Variants in PRKCG observed in about 807,000 individuals in gnomAD.
PRKCG encodes protein kinase C gamma, also known as protein kinase C gamma type.
PRKCG carries 28 observed loss-of-function variants against 82.0 expected under a neutral mutation model. The ratio of observed to expected loss-of-function variants is 0.34; its 90% CI spans 0.25 to 0.47. The LOEUF is 0.47. Ranked by LOEUF, PRKCG falls within the 20% of genes least tolerant of loss-of-function variation. PRKCG has a pLI of 1.00. For missense variants in PRKCG, 640 were observed against 952.7 expected, an observed-to-expected ratio of 0.67 and a Z score of 4.32; for synonymous variants, 383 against 376.6, an observed-to-expected ratio of 1.02 and a Z score of -0.20.
intron 8 of PRKCG, 67 bp downstream of exon 8, chr19:53,893,142 C>T (rs1352107229): frequency 2.0e-6 from 3 of 1,479,712 alleles, no homozygotes; most frequent in African/African-American, 2.8e-5. Context: ...CTGGCCTTTC[C>T]TTCCACCCCT....
chr19:53,892,176 G>A lies in PRKCG; in HGVS notation c.687-333G>A, dbSNP rs2068681373. 6.6e-6 allele frequency among the ~76,000 whole-genome samples: 1 copy of A among 152,146 alleles called. No homozygotes were observed. The highest frequency in any genetic ancestry group is 1.5e-5 in the Non-Finnish European group (1 of 68,030). On this transcript the variant is annotated intron_variant, in intron 6 of 17. Transcript: ENST00000263431. This position sits in a 1 kb window ranked among gnomAD's most constrained non-coding sequence, Gnocchi z 5.9. ...AGATGGGGGATGGCAGGGAGACAGA[G>A]ATCAGTTGACAGGAAGACAGAGTGA...
rs2068613490 is a variant in PRKCG at position 53,884,065 on chromosome 19, C to T, written c.203-96C>T. 2.7e-5 allele frequency: 33 copies of T among 1,221,828 alleles called. No individual in the cohort carries two copies. In the South Asian group the frequency reaches 3.3e-4, roughly 12 times the overall value. 75.7% of individuals were successfully genotyped at this position (1,221,828 alleles called of 1,614,324 possible). The stretch of plus-strand genomic sequence containing the variant: ...CTCTCTTTCTGGTTTTCTCAGTGTC[C>T]GAGTTCCGCTCTCTCTTTCCAATTT... On this transcript the variant is annotated intron_variant, in intron 2 of 17. Transcript: ENST00000263431. The surrounding 1 kb of genome is among the most constrained non-coding windows in gnomAD (Gnocchi z 4.6).
intron 11 of PRKCG, among the ~76,000 whole-genome samples, chr19:53,899,180 T>TGGCCA (rs1329820898): frequency 3.3e-5 from 5 of 150,448 alleles, no homozygotes; most frequent in African/African-American, 1.2e-4. Context: ...TGGCATGGCC[T>TGGCCA]GGCCAGGTGA....
At position 53,900,133 on chromosome 19, in the gene PRKCG, G is replaced by A; in HGVS notation, c.1282-100G>A. ...AGGTGCTCTGAATTTCTGGTTGGGT[G>A]CATCTGGAACCTTCCACGTCTGTCC... On this transcript the variant is annotated intron_variant, in intron 11 of 17. Coordinates refer to ENST00000263431, the MANE Select transcript of PRKCG (RefSeq NM_002739.5). The surrounding 1 kb of genome is among the most constrained non-coding windows in gnomAD (Gnocchi z 4.2). 1.8e-6 allele frequency: 2 copies of A among 1,116,958 alleles called. No individual in the cohort carries two copies. Among genetic ancestry groups the A allele is most frequent in the Non-Finnish European group, 1.4e-6 (1 of 732,738 alleles). The allele number at this position is 1,116,958 out of a possible 1,614,324, so 69.2% of individuals were successfully genotyped here.
intron 14 of PRKCG, among the ~76,000 whole-genome samples, 183 bp from the exon 15 acceptor site, chr19:53,902,890 C>CAAAAAAAAAAAAAAA (rs56955659): frequency 7.0e-4 from 14 of 19,972 alleles, no homozygotes; most frequent in African/African-American, 1.9e-3. Context: ...GAGACCCTGT[C>CAAAAAAAAAAAAAAA]AAAAAAAAAA....
At chr19:53,895,414 G>T (rs929482274) in intron 9 of PRKCG, among the ~76,000 whole-genome samples, 8 of 151,092 alleles carry the variant, frequency 5.3e-5, no homozygotes, top group Admixed American at 5.3e-4. Context: ...CTGGATTCCG[G>T]GAAGTAGAGG....
At chr19:53,886,384 G>A (rs913765396) in intron 3 of PRKCG, among the ~76,000 whole-genome samples, 1 of 151,932 alleles carries the variant, frequency 6.6e-6, no homozygotes, top group African/African-American at 2.4e-5. Flanking sequence ...GATTACAGGC[G>A]TGAGCCACCG....
rs1335420745 is a variant in PRKCG, at chr19:53,884,030, G to A, written c.203-131G>A. 5 of 867,464 alleles carry A rather than the reference G, an allele frequency of 5.8e-6. No homozygotes were observed. The highest frequency in any genetic ancestry group is 7.5e-6 in the Non-Finnish European group (4 of 530,810). The allele number at this position is 867,464 out of a possible 1,614,324, so 53.7% of individuals were successfully genotyped here. Reference sequence around the variant, plus strand: ...ATTTTCTCTCTGTTGGACTCTCTGTGTTGAGATCCCTCTCTTTCTGGTTTT... The same window carrying A: ...ATTTTCTCTCTGTTGGACTCTCTGTATTGAGATCCCTCTCTTTCTGGTTTT... On this transcript the variant is annotated intron_variant, in intron 2 of 17. Coordinates refer to ENST00000263431, the MANE Select transcript of PRKCG (RefSeq NM_002739.5). The surrounding 1 kb of genome is among the most constrained non-coding windows in gnomAD (Gnocchi z 4.6).
Position 53,883,651 on chromosome 19 carries a change from G to A in PRKCG, c.202+457G>A, listed in dbSNP as rs2068610593. Reference sequence around the variant, plus strand: ...GCAGTTCTGGGGGGCGGGAGAGGGGGGCGAGTCCTTGAGCACCAGCTGCTA... The same window carrying A: ...GCAGTTCTGGGGGGCGGGAGAGGGGAGCGAGTCCTTGAGCACCAGCTGCTA... On this transcript the variant is annotated intron_variant, in intron 2 of 17. Coordinates refer to ENST00000263431, the MANE Select transcript of PRKCG (RefSeq NM_002739.5). This position sits in a 1 kb window ranked among gnomAD's most constrained non-coding sequence, Gnocchi z 5.4. Among the ~76,000 whole-genome samples the A allele has an allele frequency of 7.1e-6, 1 of 141,136 alleles. No individual in the cohort carries two copies. The highest frequency in any genetic ancestry group is 1.6e-5 in the Non-Finnish European group (1 of 64,480). 92.6% of individuals were successfully genotyped at this position (141,136 alleles called of 152,430 possible).
intron 10 of PRKCG, 81 bp downstream of exon 10, chr19:53,898,192 G>C: frequency 1.9e-6 from 3 of 1,557,668 alleles, no homozygotes; most frequent in Non-Finnish European, 2.6e-6. Context: ...GGAAGTGGGG[G>C]TGGGAAGAGA....
rs1401300094 is a variant in PRKCG at position 53,906,801 on chromosome 19, A to C, written c.2000A>C (p.Gln667Pro). ...CGCCTAGTCCTGGCCAGCATCGACC[A>C]GGCCGATTTCCAGGGCTTCACCTAC... ...PDRLVLASID[Q>P]ADFQGFTYVN... Residue 667 changes from glutamine (Q) to proline (P), a missense_variant, in exon 18 of 18, where the codon CAG becomes CCG. This residue lies in a region of PRKCG where 198 missense variants were observed against 273.4 expected (regional missense o/e 0.72). Transcript: ENST00000263431. 1 of 1,613,742 alleles carries C rather than the reference A, an allele frequency of 6.2e-7. No individual in the cohort carries two copies.
rs367543220 is a variant in PRKCG at position 53,906,749 on chromosome 19, G to T, written c.1948G>T (p.Ala650Ser). ...GENFDKFFTR[A>S]APALTPPDRL... The stretch of plus-strand genomic sequence containing the variant: ...GAACTTTGACAAGTTCTTCACGCGG[G>T]CGGCGCCAGCGCTGACCCCTCCAGA... Residue 650 changes from alanine (A) to serine (S), a missense_variant, in exon 18 of 18, where the codon GCG becomes TCG. Coordinates refer to ENST00000263431, the MANE Select transcript of PRKCG (RefSeq NM_002739.5). 2 of 1,613,346 alleles carry T rather than the reference G, an allele frequency of 1.2e-6. No individual in the cohort carries two copies. The highest frequency in any genetic ancestry group is 1.7e-5 in the Admixed American group (1 of 60,018).
In PRKCG at chr19:53,882,320, C is replaced by T; in HGVS notation, c.-175C>T. ...CTCCCCCTGGCGGAGCCGGCGCGCC[C>T]GGGGTGCCGCTCCCTGCCTGGCGCG... On this transcript the variant is annotated 5_prime_UTR_variant, in exon 1 of 18. Transcript: ENST00000263431. This position sits in a 1 kb window ranked among gnomAD's most constrained non-coding sequence, Gnocchi z 6.1. The T allele has an allele frequency of 1.1e-6, 1 of 944,546 alleles. No individual in the cohort carries two copies. The highest frequency in any genetic ancestry group is 1.6e-6 in the Non-Finnish European group (1 of 634,598). The allele number at this position is 944,546 out of a possible 1,614,324, so 58.5% of individuals were successfully genotyped here.
Position 53,884,935 on chromosome 19 carries a change from C to T in PRKCG, c.285+692C>T, listed in dbSNP as rs1051307800. Among the ~76,000 whole-genome samples, 6 of 152,318 alleles carry T rather than the reference C, an allele frequency of 3.9e-5. No individual in the cohort carries two copies. Among genetic ancestry groups the T allele is most frequent in the African/African-American group, 1.2e-4 (5 of 41,578 alleles). ...TGCAGCACGCAGAGACACACAGCCT[C>T]TCCCCACCCCCTCTCTCTCCATCAG... On this transcript the variant is annotated intron_variant, in intron 3 of 17. Transcript: ENST00000263431. This position sits in a 1 kb window ranked among gnomAD's most constrained non-coding sequence, Gnocchi z 4.6.
chr19:53,884,253 C>T lies in PRKCG; in HGVS notation c.285+10C>T, dbSNP rs1490251030. 3 of 1,613,392 alleles carry T rather than the reference C, an allele frequency of 1.9e-6. No individual in the cohort carries two copies. Among genetic ancestry groups the T allele is most frequent in the Non-Finnish European group, 1.7e-6 (2 of 1,179,778 alleles). On this transcript the variant is annotated intron_variant, in intron 3 of 17. Coordinates refer to ENST00000263431, the MANE Select transcript of PRKCG (RefSeq NM_002739.5). The surrounding 1 kb of genome is among the most constrained non-coding windows in gnomAD (Gnocchi z 4.6). ...GGGCCCCCAGACGGACGTGAGTGCT[C>T]GGACACCTGGTTCTCCTCCTCGGGC...
At chr19:53,881,576 AG>A (rs2068589918), upstream of PRKCG, among the ~76,000 whole-genome samples, 1 of 152,114 alleles carries the variant, frequency 6.6e-6, no homozygotes, top group Non-Finnish European at 1.5e-5. Flanking sequence ...CACGACACCA[AG>A]ACCCAGAGAT....
At chr19:53,898,407 C>G (rs1341656058) in intron 10 of PRKCG, 33 bp from the exon 11 acceptor site, 1 of 1,613,282 alleles carries the variant, frequency 6.2e-7, no homozygotes, top group Admixed American at 1.7e-5. Flanking sequence ...GGGTTCCCAA[C>G]ATGGACTGGC....
Position 53,890,015 on chromosome 19 carries a change from C to T in PRKCG, c.527C>T (p.Thr176Ile). 4 of 1,559,908 alleles carry T rather than the reference C, an allele frequency of 2.6e-6. No homozygotes were observed. The highest frequency in any genetic ancestry group is 3.5e-6 in the Non-Finnish European group (4 of 1,154,962). Residue 176 changes from threonine (T) to isoleucine (I), a missense_variant and splice_region_variant, in exon 5 of 18, where the codon ACT becomes ATT. By Grantham distance (89) the Thr-to-Ile change is moderately conservative. Transcript: ENST00000263431. ...RAPTADEIHV[T>I]VGEARNLIPM... ...CCCACAGCAGATGAGATCCACGTAA[C>T]TGGTGAGGCCCCGCCCCCTCGCCTG...
intron 15 of PRKCG, among the ~76,000 whole-genome samples, chr19:53,904,257 G>T (rs1049147480): frequency 4.6e-5 from 7 of 151,608 alleles, no homozygotes; most frequent in African/African-American, 4.8e-5. Flanking sequence ...ATCATTTTTT[G>T]TAACCTCAGA....
Sources: gnomAD v4.1 joint callset for allele counts (sites outside exome capture counted in the v4.1 genomes callset) on GRCh38, gnomAD v4.1.1 for gene constraint, gnomAD v4.1.1 regional missense constraint, Gnocchi (gnomAD v3.1) non-coding constraint, MANE v1.5 for transcripts, NCBI Gene and HGNC (gene_info 2026-07-23, HGNC 2026-07-21) for gene names.